TULP4: variants seen among roughly 807,000 people sequenced by gnomAD.
TULP4 encodes TUB like protein 4.
Under a neutral mutation model 129.0 loss-of-function variants are expected in TULP4, and 16 were observed. The observed-to-expected ratio is 0.12, with a 90% CI of 0.08 to 0.19. TULP4 has a LOEUF of 0.19. Ranked by LOEUF, TULP4 falls within the 10% of genes least tolerant of loss-of-function variation. TULP4 has a pLI of 1.00. For synonymous variants in TULP4, 998 were observed against 854.0 expected, an observed-to-expected ratio of 1.17 and a Z score of -2.94; for missense variants, 1,842 against 2,059.1, an observed-to-expected ratio of 0.89 and a Z score of 2.04.
intron 1 of TULP4, among the ~76,000 whole-genome samples, chr6:158,240,815 C>A (rs1426224421): frequency 4.0e-5 from 6 of 149,308 alleles, no homozygotes; most frequent in African/African-American, 1.5e-4. Context: ...CCACCTCCCT[C>A]CCGGATGGCA....
chr6:158,365,962 G>A (rs1236091698), intron 1 of TULP4, among the ~76,000 whole-genome samples: 8 of 137,212 alleles, frequency 5.8e-5, no homozygotes, highest in Admixed American at 1.6e-4. Flanking sequence ...GAGTGCAGTG[G>A]CGCCATCTCG....
chr6:158,392,746 C>T (rs537118188), intron 1 of TULP4, among the ~76,000 whole-genome samples: 5 of 149,146 alleles, frequency 3.4e-5, no homozygotes, highest in Non-Finnish European at 5.9e-5. Flanking sequence ...CTGGGTACAC[C>T]GCCACCTTCC....
intron 1 of TULP4, among the ~76,000 whole-genome samples, chr6:158,260,295 T>TA (rs1440150506): frequency 6.6e-6 from 1 of 152,220 alleles, no homozygotes; most frequent in Non-Finnish European, 1.5e-5. Context: ...AAAACCCAGA[T>TA]ATATTCTTTC....
At chr6:158,494,956 AT>A in intron 11 of TULP4, 110 bp downstream of exon 11, 1 of 792,498 alleles carries the variant, frequency 1.3e-6, no homozygotes, top group South Asian at 2.0e-5. Flanking sequence ...ACAGCAAAAG[AT>A]TAGCATGTAT....
chr6:158,273,388 C>G (rs1463166325), intron 1 of TULP4, among the ~76,000 whole-genome samples: 2 of 152,180 alleles, frequency 1.3e-5, no homozygotes, highest in African/African-American at 4.8e-5. Flanking sequence ...TAGAGCCTTT[C>G]CTCCATCCTC....
upstream of TULP4, among the ~76,000 whole-genome samples, chr6:158,307,959 A>G (rs1367559480): frequency 1.3e-5 from 2 of 151,774 alleles, no homozygotes; most frequent in African/African-American, 2.4e-5. Flanking sequence ...ATTTTCGCAA[A>G]CATCTAAATT....
At chr6:158,364,593 A>G (rs1016717115) in intron 1 of TULP4, among the ~76,000 whole-genome samples, 2 of 152,080 alleles carry the variant, frequency 1.3e-5, no homozygotes, top group African/African-American at 4.8e-5. Flanking sequence ...GCCTTCTGTT[A>G]TTCATTGTTA....
intron 4 of TULP4, among the ~76,000 whole-genome samples, chr6:158,451,734 C>G (rs2115143702): frequency 6.6e-6 from 1 of 152,362 alleles, no homozygotes; most frequent in South Asian, 2.1e-4. Flanking sequence ...TTTTTTCTCT[C>G]TTAGACCAGA....
intron 2 of TULP4, among the ~76,000 whole-genome samples, chr6:158,427,487 T>G: frequency 4.2e-5 from 1 of 24,054 alleles, no homozygotes; most frequent in African/African-American, 8.7e-5. Flanking sequence ...TTTTTTTTTT[T>G]TTTTTTTTTT....
intron 5 of TULP4, among the ~76,000 whole-genome samples, chr6:158,456,195 G>A (rs1206062509): frequency 6.6e-6 from 1 of 152,136 alleles, no homozygotes; most frequent in Non-Finnish European, 1.5e-5. Context: ...GTGACCAAAG[G>A]TTTCGACAAC....
intron 1 of TULP4, among the ~76,000 whole-genome samples, chr6:158,255,971 C>A (rs9356549): frequency 6.6e-6 from 1 of 151,948 alleles, no homozygotes; most frequent in Non-Finnish European, 1.5e-5. Flanking sequence ...GCCTCGTGTG[C>A]CACATTTAAG....
intron 1 of TULP4, among the ~76,000 whole-genome samples, chr6:158,328,950 G>T (rs902082704): frequency 6.6e-6 from 1 of 152,168 alleles, no homozygotes; most frequent in Admixed American, 6.5e-5. Flanking sequence ...GGAGGTTTTT[G>T]TCTAGAAGTT....
chr6:158,436,069 A>G (rs995875653), intron 3 of TULP4, among the ~76,000 whole-genome samples: 1 of 151,966 alleles, frequency 6.6e-6, no homozygotes, highest in East Asian at 1.9e-4. Context: ...GGCATGCGCC[A>G]CCATGCCTGG....
In TULP4 at chr6:158,502,808, C is replaced by G. The variant is rs1780491944; in HGVS notation, c.3145C>G (p.Pro1049Ala). Residue 1049 changes from proline to alanine, a missense_variant, in exon 13 of 14, where the codon CCC becomes GCC. Coordinates refer to ENST00000367097, the MANE Select transcript of TULP4 (RefSeq NM_020245.5). The part of the protein sequence containing the change: ...QCSGTGPSSQ[P>A]GASLAHTASA... The stretch of plus-strand genomic sequence containing the variant: ...CAGTGGCACAGGGCCCAGCTCACAG[C>G]CCGGAGCCTCCCTGGCCCATACCGC... 6.2e-7 allele frequency: 1 copy of G among 1,611,706 alleles called. No individual in the cohort carries two copies. Among genetic ancestry groups the G allele is most frequent in the African/African-American group, 1.3e-5 (1 of 74,892 alleles).
chr6:158,274,529 C>CA (rs1438151421), intron 1 of TULP4, among the ~76,000 whole-genome samples: 2 of 152,130 alleles, frequency 1.3e-5, no homozygotes, highest in Non-Finnish European at 1.5e-5. Context: ...GTAGTCCCAG[C>CA]ACTTTGGGAG....
At chr6:158,439,619 G>A (rs1177505383) in intron 3 of TULP4, among the ~76,000 whole-genome samples, 1 of 149,364 alleles carries the variant, frequency 6.7e-6, no homozygotes, top group African/African-American at 2.5e-5. Context: ...TAGTTTCCCT[G>A]CAAAGACTTA....
At chr6:158,253,298 T>C (rs1246816646) in intron 1 of TULP4, among the ~76,000 whole-genome samples, 1 of 152,180 alleles carries the variant, frequency 6.6e-6, no homozygotes, top group Non-Finnish European at 1.5e-5. Context: ...GCATGACCAG[T>C]CTTCCAACTT....
chr6:158,500,261 G>C (rs960855117), intron 12 of TULP4, among the ~76,000 whole-genome samples: 2 of 152,210 alleles, frequency 1.3e-5, no homozygotes, highest in Admixed American at 1.3e-4. Flanking sequence ...AGGGGAAGAT[G>C]CCTGCCATCA....
chr6:158,346,497 C>T (rs1219258900), intron 1 of TULP4, among the ~76,000 whole-genome samples: 3 of 152,140 alleles, frequency 2.0e-5, no homozygotes, highest in Non-Finnish European at 2.9e-5. Context: ...TGGTGTGACT[C>T]GATTTATTTT....
Sources: gnomAD v4.1 joint callset for allele counts (sites outside exome capture counted in the v4.1 genomes callset) on GRCh38, gnomAD v4.1.1 for gene constraint, MANE v1.5 for transcripts, NCBI Gene and HGNC (gene_info 2026-07-23, HGNC 2026-07-21) for gene names.